KIRREL3: variants seen among roughly 807,000 people sequenced by gnomAD.
The protein encoded by KIRREL3 is kin of IRRE-like protein 3.
In KIRREL3, 36 loss-of-function variants were observed where a neutral mutation model predicts 89.7. The ratio of observed to expected loss-of-function variants is 0.40; its 90% confidence interval spans 0.31 to 0.53. KIRREL3 has a LOEUF of 0.53. Ranked by LOEUF, KIRREL3 falls within the 20% of genes least tolerant of loss-of-function variation. KIRREL3 has a pLI of 0.49. For synonymous variants in KIRREL3, 445 were observed against 441.4 expected (o/e 1.01, Z -0.10); for missense variants, 864 against 1,056.6 (o/e 0.82, Z 2.53).
intron 5 of KIRREL3, among the ~76,000 whole-genome samples, chr11:126,464,145 G>A (rs1026268193): frequency 6.6e-6 from 1 of 152,010 alleles, no homozygotes; most frequent in Non-Finnish European, 1.5e-5. Context: ...ATTAGTTAAG[G>A]CTCTTGAGAT....
chr11:126,801,716 A>G (rs1267528806), intron 1 of KIRREL3, among the ~76,000 whole-genome samples: 1 of 152,220 alleles, frequency 6.6e-6, no homozygotes, highest in Non-Finnish European at 1.5e-5. Flanking sequence ...AATAAGTGGC[A>G]GACACACCAG....
Position 126,525,133 on chromosome 11 carries a change from C to T in KIRREL3, c.283+1405G>A, listed in dbSNP as rs572367790. Among the ~76,000 whole-genome samples the T allele has an allele frequency of 8.5e-5, 13 of 152,282 alleles. No individual in the cohort carries two copies. Among genetic ancestry groups the T allele is most frequent in the African/African-American group, 2.4e-4 (10 of 41,552 alleles). On this transcript the variant is annotated intron_variant, in intron 3 of 16. Coordinates refer to ENST00000525144, the MANE Select transcript of KIRREL3 (RefSeq NM_032531.4). This position sits in a 1 kb window ranked among gnomAD's most constrained non-coding sequence, Gnocchi z 5.4. The stretch of plus-strand genomic sequence containing the variant: ...CAGTTATCCATGCTGAGATGACCAC[C>T]GTATGCACTATCCCTGCTGACCTGA...
At chr11:126,548,562 AGGTTTGG>A (rs1275376897) in intron 2 of KIRREL3, among the ~76,000 whole-genome samples, 2 of 152,230 alleles carry the variant, frequency 1.3e-5, no homozygotes, top group African/African-American at 4.8e-5. Context: ...TAGTGGTAGC[AGGTTTGG>A]GGTCCCCCCA....
rs376939760 is a variant in KIRREL3 at position 127,000,597 on chromosome 11, C to T, written c.-88G>A. 42 of 1,411,080 alleles carry T rather than the reference C, an allele frequency of 3.0e-5. No individual in the cohort carries two copies. Among genetic ancestry groups the T allele is most frequent in the Middle Eastern group, 1.9e-4 (1 of 5,384 alleles). 87.4% of individuals were successfully genotyped at this position (1,411,080 alleles called of 1,614,324 possible). ...GCGGCTCTCGGTGCTCAGCCTCCGC[C>T]GGTCCTCTCGGGTTCGCGCCTACCA... On this transcript the variant is annotated 5_prime_UTR_variant, in exon 1 of 17. Transcript: ENST00000525144. The surrounding 1 kb of genome is among the most constrained non-coding windows in gnomAD (Gnocchi z 7.1).
At position 126,954,310 on chromosome 11, in the gene KIRREL3, G is replaced by T. The variant is rs1948859607; in HGVS notation, c.55+46145C>A. On this transcript the variant is annotated intron_variant, in intron 1 of 16. Coordinates refer to ENST00000525144, the MANE Select transcript of KIRREL3 (RefSeq NM_032531.4). The surrounding 1 kb of genome is among the most constrained non-coding windows in gnomAD (Gnocchi z 4.1). ...CTCACAGTTGACATTTTATTTTATA[G>T]TCACGTTAGAGTTGAGTTCAGACTT... Among the ~76,000 whole-genome samples, 1 of 149,868 alleles carries T rather than the reference G, an allele frequency of 6.7e-6. No individual in the cohort carries two copies. Among genetic ancestry groups the T allele is most frequent in the Non-Finnish European group, 1.5e-5 (1 of 67,662 alleles).
chr11:126,949,143 A>G (rs190010743), intron 1 of KIRREL3, among the ~76,000 whole-genome samples: 61 of 152,282 alleles, frequency 4.0e-4, no homozygotes, highest in Admixed American at 1.2e-3. Context: ...CAGCTTTCTA[A>G]ATATGAATTT....
rs939916992 is a variant in KIRREL3 at position 126,805,094 on chromosome 11, G to A, written c.55+195361C>T. Among the ~76,000 whole-genome samples, 3 of 152,034 alleles carry A rather than the reference G, an allele frequency of 2.0e-5. No individual in the cohort carries two copies. The highest frequency in any genetic ancestry group is 4.8e-5 in the African/African-American group (2 of 41,336). On this transcript the variant is annotated intron_variant, in intron 1 of 16. Coordinates refer to ENST00000525144, the MANE Select transcript of KIRREL3 (RefSeq NM_032531.4). This position sits in a 1 kb window ranked among gnomAD's most constrained non-coding sequence, Gnocchi z 4.3. Reference sequence around the variant, plus strand: ...GTGTGTGGTAACCTGCAATGTTTTCGTAGGTGTGTGGTAACCTGCAATGAA... The same window carrying A: ...GTGTGTGGTAACCTGCAATGTTTTCATAGGTGTGTGGTAACCTGCAATGAA...
chr11:126,557,884 T>G lies in KIRREL3; in HGVS notation c.133+4951A>C, dbSNP rs917992210. Among the ~76,000 whole-genome samples, 1 of 152,152 alleles carries G rather than the reference T, an allele frequency of 6.6e-6. No homozygotes were observed. Among genetic ancestry groups the G allele is most frequent in the African/African-American group, 2.4e-5 (1 of 41,458 alleles). On this transcript the variant is annotated intron_variant, in intron 2 of 16. Coordinates refer to ENST00000525144, the MANE Select transcript of KIRREL3 (RefSeq NM_032531.4). This position sits in a 1 kb window ranked among gnomAD's most constrained non-coding sequence, Gnocchi z 5.6. ...TGCTAGTTATTTATGGAACCAGCTT[T>G]CCCCTTCCTGGGTGCTCCAGCTCTT...
At chr11:126,726,710 C>T (rs1948397157) in intron 1 of KIRREL3, among the ~76,000 whole-genome samples, 1 of 152,206 alleles carries the variant, frequency 6.6e-6, no homozygotes, top group South Asian at 2.1e-4. Context: ...ATCCAGTCTA[C>T]CTTTCCAGCT....
rs77481237 is a variant in KIRREL3 at position 126,811,741 on chromosome 11, C to A, written c.55+188714G>T. 0.019 allele frequency among the ~76,000 whole-genome samples: 2,822 copies of A among 152,284 alleles called. 92 individuals are homozygous for A. The highest frequency in any genetic ancestry group is 0.065 in the African/African-American group (2,701 of 41,554). On this transcript the variant is annotated intron_variant, in intron 1 of 16. Transcript: ENST00000525144. This position sits in a 1 kb window ranked among gnomAD's most constrained non-coding sequence, Gnocchi z 4.3. ...AGCGGGGATTACCGGCGCCTGCTACCATGCCCAGCTAATTTTTGTACCTTT... is the reference window on the plus strand; with the variant it reads ...AGCGGGGATTACCGGCGCCTGCTACAATGCCCAGCTAATTTTTGTACCTTT...
At chr11:126,502,043 T>A (rs994666549) in intron 4 of KIRREL3, among the ~76,000 whole-genome samples, 9 of 152,158 alleles carry the variant, frequency 5.9e-5, no homozygotes, top group Non-Finnish European at 8.8e-5. Flanking sequence ...AATTTTTTTT[T>A]AATATAAAAC....
intron 1 of KIRREL3, among the ~76,000 whole-genome samples, chr11:126,835,553 G>A (rs1943750547): frequency 6.6e-6 from 1 of 152,186 alleles, no homozygotes; most frequent in Non-Finnish European, 1.5e-5. Context: ...GCTGAGTATT[G>A]GAGGCAGAAT....
At position 126,527,452 on chromosome 11, in the gene KIRREL3, G is replaced by A. The variant is rs185334920; in HGVS notation, c.134-765C>T. Among the ~76,000 whole-genome samples, 5 of 152,296 alleles carry A rather than the reference G, an allele frequency of 3.3e-5. No individual in the cohort carries two copies. Among genetic ancestry groups the A allele is most frequent in the East Asian group, 1.9e-4 (1 of 5,184 alleles). On this transcript the variant is annotated intron_variant, in intron 2 of 16. Coordinates refer to ENST00000525144, the MANE Select transcript of KIRREL3 (RefSeq NM_032531.4). This position sits in a 1 kb window ranked among gnomAD's most constrained non-coding sequence, Gnocchi z 4.2. The stretch of plus-strand genomic sequence containing the variant: ...AACCCATCCACAATGCTTACAAGAT[G>A]CCATGCTCTGTTTTGAGGCTTTAAA...
intron 1 of KIRREL3, among the ~76,000 whole-genome samples, chr11:126,665,902 T>G (rs77380830): frequency 6.6e-6 from 1 of 152,346 alleles, no homozygotes; most frequent in Non-Finnish European, 1.5e-5. Flanking sequence ...GGAATCATAA[T>G]AGACCCATCA....
Position 126,446,680 on chromosome 11 carries a change from G to A in KIRREL3, c.1125+79C>T, listed in dbSNP as rs1439979645. On this transcript the variant is annotated intron_variant, in intron 9 of 16. Transcript: ENST00000525144. ...CTCCCCCAGTCTAATAGTGAGAGGGGCCTGGGCAGCAGTTCCTTCTTGCTC... is the reference window on the plus strand; with the variant it reads ...CTCCCCCAGTCTAATAGTGAGAGGGACCTGGGCAGCAGTTCCTTCTTGCTC... The A allele has an allele frequency of 4.9e-6, 7 of 1,438,814 alleles. No homozygotes were observed. In the Admixed American group the frequency reaches 6.1e-5, roughly 13 times the overall value. The allele number at this position is 1,438,814 out of a possible 1,614,324, so 89.1% of individuals were successfully genotyped here. A position where few individuals can be genotyped will look rare whatever the true frequency, so the allele number is the denominator to read the frequency against.
At position 126,809,169 on chromosome 11, in the gene KIRREL3, G is replaced by A. The variant is rs577224586; in HGVS notation, c.55+191286C>T. 4.1e-4 allele frequency among the ~76,000 whole-genome samples: 63 copies of A among 152,178 alleles called. 1 individual carries two copies. Among genetic ancestry groups the A allele is most frequent in the Non-Finnish European group, 3.1e-4 (21 of 68,042 alleles). ...GCTTCAGCAAAACCTTCATTAAGGG[G>A]TGGCAGAGCAGAGGAGGGTCACCCA... On this transcript the variant is annotated intron_variant, in intron 1 of 16. Coordinates refer to ENST00000525144, the MANE Select transcript of KIRREL3 (RefSeq NM_032531.4).
intron 1 of KIRREL3, among the ~76,000 whole-genome samples, chr11:126,934,419 C>T (rs754528770): frequency 6.6e-6 from 1 of 152,150 alleles, no homozygotes; most frequent in African/African-American, 2.4e-5. Flanking sequence ...ACACCAAAAG[C>T]ACAATCCATA....
intron 1 of KIRREL3, among the ~76,000 whole-genome samples, chr11:126,738,693 C>T (rs552929120): frequency 6.6e-6 from 1 of 152,290 alleles, no homozygotes; most frequent in South Asian, 2.1e-4. Flanking sequence ...TTTTCCCTTC[C>T]CAGAAATGTC....
At chr11:126,913,912 G>T (rs767365989) in intron 1 of KIRREL3, among the ~76,000 whole-genome samples, 11 of 152,206 alleles carry the variant, frequency 7.2e-5, no homozygotes, top group Admixed American at 1.3e-4. Flanking sequence ...TTGCTAGGCA[G>T]CACATCTGTC....
Sources: gnomAD v4.1 joint callset for allele counts (sites outside exome capture counted in the v4.1 genomes callset) on GRCh38, gnomAD v4.1.1 for gene constraint, Gnocchi (gnomAD v3.1) non-coding constraint, MANE v1.5 for transcripts, NCBI Gene and HGNC (gene_info 2026-07-23, HGNC 2026-07-21) for gene names.